The following FHAD1 variants were observed in gnomAD, a reference collection of about 807,000 sequenced individuals.
FHAD1 encodes forkhead-associated domain-containing protein 1.
FHAD1 carries 146 observed loss-of-function variants against 191.3 expected under a neutral mutation model. That is an observed-to-expected ratio of 0.76 (90% CI 0.67 to 0.88). FHAD1 has a LOEUF of 0.88. Among genes scored for constraint, FHAD1 ranks in the 40% least tolerant of loss-of-function variants. FHAD1 has a pLI of 0.00. For synonymous variants in FHAD1, 616 were observed against 672.3 expected, an observed-to-expected ratio of 0.92 and a Z score of 1.29; for missense variants, 1,635 against 1,785.8, an observed-to-expected ratio of 0.92 and a Z score of 1.52.
intron 33 of FHAD1, among the ~76,000 whole-genome samples, chr1:15,392,198 GA>G (rs1704247344): frequency 6.6e-6 from 1 of 152,178 alleles, no homozygotes; most frequent in Non-Finnish European, 1.5e-5. Context: ...TCTGATGCAA[GA>G]GGCAAAGGGA....
In FHAD1 at chr1:15,289,305, C is replaced by A; in HGVS notation, c.301-94C>A. On this transcript the variant is annotated intron_variant, in intron 3 of 33. Transcript: ENST00000688493. The surrounding 1 kb of genome is among the most constrained non-coding windows in gnomAD (Gnocchi z 4.2). ...GCCCGACCGGAAGTGACTCATAAAC[C>A]AAGACCTTGGGCAGCAATGCTGTGG... The A allele has an allele frequency of 1.4e-6, 2 of 1,468,478 alleles. No homozygotes were observed. The highest frequency in any genetic ancestry group is 2.5e-5 in the East Asian group (1 of 40,112). 91.0% of individuals were successfully genotyped at this position (1,468,478 alleles called of 1,614,324 possible). A position where few individuals can be genotyped will look rare whatever the true frequency, so the allele number is the denominator to read the frequency against.
Position 15,289,015 on chromosome 1 carries a change from C to T in FHAD1, c.301-384C>T, listed in dbSNP as rs1033683939. ...TTTGTTTATTTTTGAGACAGAGTCT[C>T]ATTCTGTCGCCCAGGATGGAGTGCA... On this transcript the variant is annotated intron_variant, in intron 3 of 33. Transcript: ENST00000688493. This position sits in a 1 kb window ranked among gnomAD's most constrained non-coding sequence, Gnocchi z 4.2. Among the ~76,000 whole-genome samples, 15 of 152,290 alleles carry T rather than the reference C, an allele frequency of 9.8e-5. No individual in the cohort carries two copies. Among genetic ancestry groups the T allele is most frequent in the African/African-American group, 3.4e-4 (14 of 41,572 alleles).
intron 21 of FHAD1, among the ~76,000 whole-genome samples, chr1:15,359,472 A>G (rs116434089): frequency 6.6e-6 from 1 of 152,090 alleles, no homozygotes; most frequent in African/African-American, 2.4e-5. Context: ...GGAAACGCCA[A>G]GGGGAGCCTT....
chr1:15,238,250 GAAAA>G (rs35058576), intron 1 of FHAD1, among the ~76,000 whole-genome samples: 15 of 96,916 alleles, frequency 1.5e-4, no homozygotes, highest in East Asian at 1.3e-3. Context: ...CCATCTCAAG[GAAAA>G]AAAAAAAAAA....
intron 20 of FHAD1, among the ~76,000 whole-genome samples, chr1:15,353,929 A>G (rs998142391): frequency 6.6e-6 from 1 of 152,128 alleles, no homozygotes; most frequent in African/African-American, 2.4e-5. Context: ...TGGGTACCTC[A>G]TAAGCAATAG....
intron 3 of FHAD1, among the ~76,000 whole-genome samples, chr1:15,279,411 T>C (rs1659659666): frequency 6.6e-6 from 1 of 151,992 alleles, no homozygotes; most frequent in South Asian, 2.1e-4. Context: ...ATCCAGGTGC[T>C]CAAGGGATGC....
At chr1:15,366,884 C>T (rs1200899540) in intron 24 of FHAD1, among the ~76,000 whole-genome samples, 1 of 152,304 alleles carries the variant, frequency 6.6e-6, no homozygotes, top group East Asian at 1.9e-4. Context: ...TCTACTCTCC[C>T]TCAAGCCAAA....
Position 15,389,194 on chromosome 1 carries a change from C to T in FHAD1, c.4269+1063C>T, listed in dbSNP as rs193264322. 3.9e-3 allele frequency among the ~76,000 whole-genome samples: 591 copies of T among 152,110 alleles called. 5 individuals carry two copies. Among genetic ancestry groups the T allele is most frequent in the African/African-American group, 0.013 (527 of 41,472 alleles). ...GAATCCTACTGGTACGCCTGTAATC[C>T]CAGAATTTGGGGAGGCCAAGACAGC... On this transcript the variant is annotated intron_variant, in intron 32 of 33. Coordinates refer to ENST00000688493, the MANE Select transcript of FHAD1 (RefSeq NM_001391957.1).
At chr1:15,375,473 C>A in intron 27 of FHAD1, 130 bp from the exon 28 acceptor site, 1 of 853,708 alleles carries the variant, frequency 1.2e-6, no homozygotes, top group Non-Finnish European at 1.7e-6. Flanking sequence ...ACTGTGTCCT[C>A]ATCTGCCACG....
intron 8 of FHAD1, chr1:15,315,211 TAAAG>T (rs1401082606): frequency 2.0e-5 from 3 of 152,076 alleles, no homozygotes; most frequent in Admixed American, 1.3e-4. Context: ...AGAGCAAAAT[TAAAG>T]AGAGAAGAGA....
At chr1:15,308,509 A>C in intron 6 of FHAD1, 104 bp from the exon 7 acceptor site, 1 of 1,474,114 alleles carries the variant, frequency 6.8e-7, no homozygotes. Flanking sequence ...CCAACACCCC[A>C]GCCAAAACTC....
intron 31 of FHAD1, 111 bp downstream of exon 31, chr1:15,382,304 A>T (rs2103001501): frequency 9.0e-7 from 1 of 1,111,270 alleles, no homozygotes; most frequent in Admixed American, 2.8e-5. Flanking sequence ...ACAGGGATGG[A>T]TGCAAAGGGA....
chr1:15,251,752 T>G lies in FHAD1; in HGVS notation c.-14-19T>G. 1 of 1,520,324 alleles carries G rather than the reference T, an allele frequency of 6.6e-7. No individual in the cohort carries two copies. Among genetic ancestry groups the G allele is most frequent in the Non-Finnish European group, 8.8e-7 (1 of 1,132,182 alleles). The allele number at this position is 1,520,324 out of a possible 1,614,324, so 94.2% of individuals were successfully genotyped here. Reference sequence around the variant, plus strand: ...GAACTACATTTTCTAACAAAATTCTTTCTGAAAACCTTATGTAGGGAAAAC... The same window carrying G: ...GAACTACATTTTCTAACAAAATTCTGTCTGAAAACCTTATGTAGGGAAAAC... On this transcript the variant is annotated intron_variant, in intron 1 of 33. Coordinates refer to ENST00000688493, the MANE Select transcript of FHAD1 (RefSeq NM_001391957.1).
chr1:15,258,880 C>T (rs974867887), intron 2 of FHAD1, among the ~76,000 whole-genome samples: 1 of 152,062 alleles, frequency 6.6e-6, no homozygotes, highest in African/African-American at 2.4e-5. Context: ...GAGCCACCAC[C>T]GATATCTCTT....
In FHAD1 at chr1:15,381,908, A is replaced by G. The variant is rs1701003024; in HGVS notation, c.4023-120A>G. On this transcript the variant is annotated intron_variant, in intron 30 of 33. Transcript: ENST00000688493. This position sits in a 1 kb window ranked among gnomAD's most constrained non-coding sequence, Gnocchi z 4.6. ...TCTTCGTCATGCTCTCCTGCTTGTG[A>G]TGACACTCCTGAGTGAGCCCCCACT... The G allele has an allele frequency of 3.7e-6, 4 of 1,085,024 alleles. No homozygotes were observed. Among genetic ancestry groups the G allele is most frequent in the Non-Finnish European group, 5.3e-6 (4 of 756,212 alleles). The allele number at this position is 1,085,024 out of a possible 1,614,324, so 67.2% of individuals were successfully genotyped here. A position where few individuals can be genotyped will look rare whatever the true frequency, so the allele number is the denominator to read the frequency against.
chr1:15,277,028 A>C (rs1658639194), intron 3 of FHAD1, among the ~76,000 whole-genome samples: 1 of 152,092 alleles, frequency 6.6e-6, no homozygotes, highest in Non-Finnish European at 1.5e-5. Flanking sequence ...TGCCATTATG[A>C]TGTTTGCTTG....
Position 15,397,301 on chromosome 1 carries a change from GA to G in FHAD1, c.4330del (p.Thr1444ProfsTer6). On this transcript the variant is annotated frameshift_variant, in exon 34 of 34. Transcript: ENST00000688493. LOFTEE classifies it low-confidence loss of function (END_TRUNC). ...TTTTTCTCTTGCTTGTTAAAGGTTG[GA>G]ACCAGAAAAGCCTCCCTAAAGATGG... Reference protein sequence around the residue: ...NRMQNSNSQVGTRKASLKMDQ... With the variant: ...NRMQNSNSQVXTRKASLKMDQ... 1 of 1,512,272 alleles carries G rather than the reference GA, an allele frequency of 6.6e-7. No homozygotes were observed. Among genetic ancestry groups the G allele is most frequent in the Non-Finnish European group, 8.9e-7 (1 of 1,118,734 alleles). The allele number at this position is 1,512,272 out of a possible 1,614,324, so 93.7% of individuals were successfully genotyped here. A position where few individuals can be genotyped will look rare whatever the true frequency, so the allele number is the denominator to read the frequency against.
In FHAD1 at chr1:15,341,946, A is replaced by G. The variant is rs1006320777; in HGVS notation, c.2130+58A>G. The G allele has an allele frequency of 9.4e-6, 14 of 1,486,280 alleles. No homozygotes were observed. In the South Asian group the frequency reaches 1.6e-4, roughly 16 times the overall value. The allele number at this position is 1,486,280 out of a possible 1,614,324, so 92.1% of individuals were successfully genotyped here. A position where few individuals can be genotyped will look rare whatever the true frequency, so the allele number is the denominator to read the frequency against. Reference sequence around the variant, plus strand: ...GGAAACTGATGAAATGGCCTTTTCTATGGGAAATTGAGGGCATGTACTTAG... The same window carrying G: ...GGAAACTGATGAAATGGCCTTTTCTGTGGGAAATTGAGGGCATGTACTTAG... On this transcript the variant is annotated intron_variant, in intron 16 of 33. Coordinates refer to ENST00000688493, the MANE Select transcript of FHAD1 (RefSeq NM_001391957.1).
chr1:15,357,452 G>A (rs1436011496), intron 20 of FHAD1, among the ~76,000 whole-genome samples: 3 of 151,988 alleles, frequency 2.0e-5, no homozygotes, highest in Admixed American at 6.6e-5. Context: ...GTGAAACTCC[G>A]TCTCTACTAA....
Sources: allele counts gnomAD v4.1 joint callset (sites outside exome capture counted in the v4.1 genomes callset), GRCh38; gene constraint gnomAD v4.1.1; non-coding constraint Gnocchi (gnomAD v3.1); transcripts MANE v1.5; gene names NCBI Gene and HGNC (gene_info 2026-07-23, HGNC 2026-07-21).